The following ACOXL variants were observed in gnomAD, a reference collection of about 807,000 sequenced individuals.
ACOXL encodes the protein acyl-CoA oxidase like.
In ACOXL, 70 loss-of-function variants were observed where a neutral mutation model predicts 71.9. The observed-to-expected ratio is 0.97, with a 90% CI of 0.80 to 1.19. The LOEUF is 1.19. Among genes scored for constraint, ACOXL ranks in the 50% most tolerant of loss-of-function variants. ACOXL has a pLI of 0.00. For missense variants in ACOXL, 703 were observed against 736.3 expected, an observed-to-expected ratio of 0.95 and a Z score of 0.52; for synonymous variants, 253 against 281.6, an observed-to-expected ratio of 0.90 and a Z score of 1.02.
intron 1 of ACOXL, among the ~76,000 whole-genome samples, chr2:110,764,317 A>G (rs1398049787): frequency 1.3e-5 from 2 of 152,212 alleles, no homozygotes; most frequent in African/African-American, 2.4e-5. Context: ...AGGCAATGGA[A>G]TATTATTTAG....
intron 16 of ACOXL, among the ~76,000 whole-genome samples, chr2:111,050,323 G>A (rs369063574): frequency 2.6e-5 from 4 of 152,026 alleles, no homozygotes; most frequent in South Asian, 2.1e-4. Context: ...CTCATACCAA[G>A]TGTTGGGTTT....
intron 16 of ACOXL, among the ~76,000 whole-genome samples, chr2:111,074,526 T>C (rs1253152944): frequency 6.6e-6 from 1 of 152,194 alleles, no homozygotes; most frequent in African/African-American, 2.4e-5. Context: ...CAAATGCTTT[T>C]TCTGCATCAA....
chr2:110,853,722 C>T (rs564394788), intron 10 of ACOXL, among the ~76,000 whole-genome samples: 8 of 152,152 alleles, frequency 5.3e-5, no homozygotes, highest in South Asian at 2.1e-4. Context: ...CCTCTAGAGC[C>T]AGCCCGAGGC....
intron 12 of ACOXL, among the ~76,000 whole-genome samples, chr2:110,969,384 G>T (rs1161892664): frequency 1.3e-5 from 2 of 152,084 alleles, no homozygotes; most frequent in Admixed American, 6.5e-5. Flanking sequence ...GAAACAAAAG[G>T]CTGGCTCTGA....
intron 13 of ACOXL, among the ~76,000 whole-genome samples, chr2:110,991,677 T>C (rs3789096): frequency 0.45 from 68,567 of 151,886 alleles, 15,712 homozygotes; most frequent in Middle Eastern, 0.53. Context: ...AAATCTGTTA[T>C]CTGTCTTTTT....
At chr2:111,018,230 G>A (rs1187951063) in intron 14 of ACOXL, among the ~76,000 whole-genome samples, 1 of 152,118 alleles carries the variant, frequency 6.6e-6, no homozygotes, top group Non-Finnish European at 1.5e-5. Flanking sequence ...GGGGACGGAG[G>A]AGGGAGCAGC....
intron 3 of ACOXL, among the ~76,000 whole-genome samples, chr2:110,790,014 C>T (rs987034857): frequency 1.3e-5 from 2 of 152,208 alleles, no homozygotes; most frequent in African/African-American, 4.8e-5. Flanking sequence ...ACACTTTTGG[C>T]ATGTTCCTTT....
intron 9 of ACOXL, among the ~76,000 whole-genome samples, chr2:110,816,493 A>C (rs1441233047): frequency 6.6e-6 from 1 of 152,158 alleles, no homozygotes; most frequent in Admixed American, 6.5e-5. Context: ...GGACTTGTGC[A>C]CCCCAGGGTA....
intron 10 of ACOXL, among the ~76,000 whole-genome samples, chr2:110,867,255 G>A (rs1192977948): frequency 6.6e-6 from 1 of 152,196 alleles, no homozygotes; most frequent in African/African-American, 2.4e-5. Context: ...TCTAGCAGAT[G>A]TCAGCAAGTT....
chr2:110,985,651 T>A (rs1326874468), intron 12 of ACOXL, among the ~76,000 whole-genome samples: 1 of 152,074 alleles, frequency 6.6e-6, no homozygotes, highest in Non-Finnish European at 1.5e-5. Flanking sequence ...GGCGGCGGTG[T>A]CACTTGTGTA....
chr2:110,752,398 C>T (rs544551022), intron 1 of ACOXL, among the ~76,000 whole-genome samples: 4 of 152,002 alleles, frequency 2.6e-5, no homozygotes, highest in Admixed American at 1.3e-4. Context: ...GAAGGAGGAT[C>T]GCTTGAGGCC....
intron 9 of ACOXL, among the ~76,000 whole-genome samples, chr2:110,829,854 C>A (rs1689604992): frequency 1.3e-5 from 2 of 152,184 alleles, no homozygotes; most frequent in Non-Finnish European, 2.9e-5. Context: ...CCATCGTGAG[C>A]CTGTGTTTGG....
At position 111,082,455 on chromosome 2, in the gene ACOXL, A is replaced by G. The variant is rs147049983; in HGVS notation, c.1441-10410A>G. 1.4e-3 allele frequency among the ~76,000 whole-genome samples: 219 copies of G among 152,346 alleles called. 2 individuals are homozygous for G. Among genetic ancestry groups the G allele is most frequent in the African/African-American group, 5.0e-3 (207 of 41,586 alleles). On this transcript the variant is annotated intron_variant, in intron 16 of 17. Coordinates refer to ENST00000439055, the MANE Select transcript of ACOXL (RefSeq NM_001142807.4). ...CATCACTGGTCATTAGAAAAATGCA[A>G]ATCAAAACCACAATGAGATACCATC...
chr2:110,768,672 T>C (rs1426298155), intron 2 of ACOXL, among the ~76,000 whole-genome samples: 2 of 152,118 alleles, frequency 1.3e-5, no homozygotes, highest in African/African-American at 2.4e-5. Flanking sequence ...GAACTCACGA[T>C]AGGTAGTTTT....
intron 9 of ACOXL, among the ~76,000 whole-genome samples, chr2:110,815,663 C>T (rs1002251370): frequency 1.3e-5 from 2 of 152,160 alleles, no homozygotes; most frequent in African/African-American, 2.4e-5. Flanking sequence ...TTGCCTGCAT[C>T]GTAGGGACTT....
At chr2:111,116,547 G>T (rs564398589) in intron 17 of ACOXL, among the ~76,000 whole-genome samples, 1 of 152,172 alleles carries the variant, frequency 6.6e-6, no homozygotes, top group Non-Finnish European at 1.5e-5. Flanking sequence ...GGGAAACTGT[G>T]ATCTTAACAA....
chr2:110,974,843 G>A (rs2149499443), intron 12 of ACOXL, among the ~76,000 whole-genome samples: 2 of 152,312 alleles, frequency 1.3e-5, no homozygotes, highest in Non-Finnish European at 2.9e-5. Flanking sequence ...TCAGAAGGGA[G>A]CATTGGGTTG....
In ACOXL at chr2:110,949,763, A is replaced by T. The variant is rs542740728; in HGVS notation, c.1059+16121A>T. Among the ~76,000 whole-genome samples, 3 of 152,200 alleles carry T rather than the reference A, an allele frequency of 2.0e-5. No homozygotes were observed. The South Asian group carries it at 6.2e-4, about 32-fold the overall frequency. ...ATCCTCCAATAGTCCTGTGAGTAGG[A>T]GTTATTATCCTTATAGTTTTCCCAT... On this transcript the variant is annotated intron_variant, in intron 12 of 17. Coordinates refer to ENST00000439055, the MANE Select transcript of ACOXL (RefSeq NM_001142807.4).
At chr2:110,849,495 C>T (rs537455506) in intron 10 of ACOXL, among the ~76,000 whole-genome samples, 7 of 152,318 alleles carry the variant, frequency 4.6e-5, no homozygotes, top group South Asian at 2.1e-4. Context: ...CCGTGGTTCA[C>T]GCCTGTAATC....
Sources: allele counts gnomAD v4.1 joint callset (sites outside exome capture counted in the v4.1 genomes callset), GRCh38; gene constraint gnomAD v4.1.1; transcripts MANE v1.5; gene names NCBI Gene and HGNC (gene_info 2026-07-23, HGNC 2026-07-21).